The following RHBDD1 variants were observed in gnomAD, a reference collection of about 807,000 sequenced individuals.
RHBDD1 encodes the protein rhomboid-related protein 4.
A neutral mutation model predicts 36.3 loss-of-function variants in RHBDD1; 38 were observed. The observed-to-expected ratio is 1.05, with a 90% CI of 0.81 to 1.37. The LOEUF is 1.37. RHBDD1 is among the 40% of genes most tolerant of loss of function. RHBDD1 has a pLI of 0.00. For missense variants in RHBDD1, 393 were observed against 377.6 expected, an observed-to-expected ratio of 1.04 and a Z score of -0.34; for synonymous variants, 151 against 136.5, an observed-to-expected ratio of 1.11 and a Z score of -0.74.
chr2:226,815,312 T>G, the RHBDD1 span, among the ~76,000 whole-genome samples: 2 of 152,228 alleles, frequency 1.3e-5, no homozygotes, highest in Non-Finnish European at 2.9e-5. Context: ...AGTTAATTTC[T>G]GCAATAAGAA....
At chr2:226,990,411 T>C (rs551523166) in intron 8 of RHBDD1, among the ~76,000 whole-genome samples, 1 of 152,304 alleles carries the variant, frequency 6.6e-6, no homozygotes, top group African/African-American at 2.4e-5. Flanking sequence ...AAAAAAGTGA[T>C]TGCCTCTTTA....
Position 226,892,717 on chromosome 2 carries a change from G to A in RHBDD1, c.567-14076G>A, listed in dbSNP as rs554195384. 4.6e-5 allele frequency among the ~76,000 whole-genome samples: 7 copies of A among 152,160 alleles called. No homozygotes were observed. The East Asian group carries it at 1.3e-3, about 29-fold the overall frequency. ...TACTCTCGAAATGTTTTTCTTATTG[G>A]CCCAATATGGCAACTGAAATCTCAC... On this transcript the variant is annotated intron_variant, in intron 5 of 8. Transcript: ENST00000392062.
rs1959485037 is a variant in RHBDD1 at position 226,996,844 on chromosome 2, C to G, written c.*1322C>G. On this transcript the variant is annotated 3_prime_UTR_variant, in exon 9 of 9. Coordinates refer to ENST00000392062, the MANE Select transcript of RHBDD1 (RefSeq NM_001167608.3). ...ATTTAATAACATATAGTCAAGAAAA[C>G]AGACTTAAAAATAAATACTATGTGT... is the stretch of plus-strand genomic sequence containing the variant. The G allele has an allele frequency of 6.6e-6, 1 of 152,078 alleles. No homozygotes were observed. The highest frequency in any genetic ancestry group is 2.1e-4 in the South Asian group (1 of 4,822). The allele number at this position is 152,078 out of a possible 1,614,324, so 9.4% of individuals were successfully genotyped here. A position where few individuals can be genotyped will look rare whatever the true frequency, so the allele number is the denominator to read the frequency against.
chr2:226,864,715 A>T lies in RHBDD1; in HGVS notation c.22A>T (p.Ile8Leu), dbSNP rs764239115. Residue 8 changes from isoleucine (I) to leucine (L), a missense_variant, in exon 4 of 9, where the codon ATA becomes TTA. Transcript: ENST00000392062. The part of the protein sequence containing the change: MQRRSRG[I>L]NTGLILLLSQ... ...GGCCATGCAACGGAGATCAAGAGGG[A>T]TAAATACTGGACTTATTCTACTCCT... 1.4e-5 allele frequency: 23 copies of T among 1,613,920 alleles called. No individual in the cohort carries two copies. The highest frequency in any genetic ancestry group is 1.9e-5 in the Non-Finnish European group (22 of 1,179,948).
the RHBDD1 span, among the ~76,000 whole-genome samples, chr2:226,816,218 G>A: frequency 2.5e-4 from 38 of 152,044 alleles, no homozygotes; most frequent in African/African-American, 8.2e-4. Flanking sequence ...CAGTGGCATC[G>A]TGCTGACTTA....
At position 226,908,849 on chromosome 2, in the gene RHBDD1, C is replaced by T. The variant is rs181841165; in HGVS notation, c.683C>T (p.Pro228Leu). 6.2e-7 allele frequency: 1 copy of T among 1,607,822 alleles called. No individual in the cohort carries two copies. Among genetic ancestry groups the T allele is most frequent in the Admixed American group, 1.7e-5 (1 of 59,998 alleles). Residue 228 changes from proline (P) to leucine (L), a missense_variant, in exon 7 of 9, where the codon CCA (proline) becomes CTA (leucine). Physicochemically the swap from Pro to Leu is moderately conservative, Grantham distance 98. Coordinates refer to ENST00000392062, the MANE Select transcript of RHBDD1 (RefSeq NM_001167608.3). ...AGGFSSSVGY[P>L]GRQYYFNSSG... The stretch of plus-strand genomic sequence containing the variant: ...GGTTTTTCCTCCAGTGTTGGTTACC[C>T]AGGACGGCAATACTACTTTAATAGT...
chr2:226,838,600 ATGT>A (rs993915872), intron 2 of RHBDD1, among the ~76,000 whole-genome samples: 12 of 152,240 alleles, frequency 7.9e-5, no homozygotes, highest in East Asian at 1.9e-4. Context: ...GGCTCAGTAA[ATGT>A]TGTGTGTCGG....
chr2:226,956,611 G>A (rs368803404), intron 8 of RHBDD1, among the ~76,000 whole-genome samples: 5 of 152,282 alleles, frequency 3.3e-5, no homozygotes, highest in East Asian at 3.9e-4. Flanking sequence ...TTAGAATTCC[G>A]AGTGGAGAAA....
chr2:226,847,860 A>T lies in RHBDD1; in HGVS notation c.-91+8233A>T, dbSNP rs571355176. 2.8e-3 allele frequency among the ~76,000 whole-genome samples: 427 copies of T among 152,336 alleles called. 1 individual carries two copies. Among genetic ancestry groups the T allele is most frequent in the African/African-American group, 9.9e-3 (411 of 41,570 alleles). ...TTCGCCTCTCTGTGAATTCTCTCTC[A>T]GAGTAAACCTTGCTTTGCAGGGTAG... On this transcript the variant is annotated intron_variant, in intron 3 of 8. Transcript: ENST00000392062.
intron 5 of RHBDD1, among the ~76,000 whole-genome samples, chr2:226,868,086 T>C (rs1046492909): frequency 1.5e-4 from 23 of 152,352 alleles, no homozygotes; most frequent in African/African-American, 5.3e-4. Context: ...CAAAAGGCTT[T>C]ACTTAACACT....
intron 3 of RHBDD1, among the ~76,000 whole-genome samples, chr2:226,842,870 A>T (rs184589857): frequency 6.6e-6 from 1 of 152,210 alleles, no homozygotes; most frequent in Non-Finnish European, 1.5e-5. Context: ...TTTGGGCAGT[A>T]TGGCCGTTTT....
At chr2:226,893,640 A>G (rs1946860884) in intron 5 of RHBDD1, among the ~76,000 whole-genome samples, 1 of 152,234 alleles carries the variant, frequency 6.6e-6, no homozygotes, top group African/African-American at 2.4e-5. Context: ...GCAAACATTT[A>G]ATAAGCATAT....
chr2:226,960,738 A>C (rs1338241601), intron 8 of RHBDD1, among the ~76,000 whole-genome samples: 1 of 152,210 alleles, frequency 6.6e-6, no homozygotes, highest in Non-Finnish European at 1.5e-5. Context: ...TTCAGAAATA[A>C]GATGTTTGAG....
At chr2:226,860,010 A>T (rs985911846) in intron 3 of RHBDD1, among the ~76,000 whole-genome samples, 9 of 100,512 alleles carry the variant, frequency 9.0e-5, no homozygotes, top group East Asian at 5.5e-4. Context: ...GTAGATTGAT[A>T]AAAAAAAACT....
intron 5 of RHBDD1, among the ~76,000 whole-genome samples, chr2:226,904,057 T>C (rs1947823479): frequency 6.6e-6 from 1 of 152,036 alleles, no homozygotes; most frequent in East Asian, 1.9e-4. Flanking sequence ...AGCCCCACAT[T>C]CATCCTTCAA....
chr2:226,925,519 T>C (rs914490311), intron 8 of RHBDD1, among the ~76,000 whole-genome samples: 21 of 152,050 alleles, frequency 1.4e-4, no homozygotes, highest in African/African-American at 4.8e-4. Context: ...ATTTATAAAA[T>C]AAGCCAACTC....
At chr2:226,817,268 C>T in the RHBDD1 span, among the ~76,000 whole-genome samples, 1 of 152,104 alleles carries the variant, frequency 6.6e-6, no homozygotes, top group African/African-American at 2.4e-5. Flanking sequence ...TTTCTGAGAG[C>T]TAAAAGTTAG....
At chr2:226,828,066 A>G in the RHBDD1 span, among the ~76,000 whole-genome samples, 1 of 152,246 alleles carries the variant, frequency 6.6e-6, no homozygotes, top group Non-Finnish European at 1.5e-5. Flanking sequence ...ATCACTATCC[A>G]GTTTTAGCAC....
chr2:226,914,486 T>C, intron 8 of RHBDD1, 135 bp downstream of exon 8: 1 of 997,236 alleles, frequency 1.0e-6, no homozygotes, highest in Non-Finnish European at 1.4e-6. Context: ...TGTGTGCAGA[T>C]TGTGATTACA....
Sources: allele counts gnomAD v4.1 joint callset (sites outside exome capture counted in the v4.1 genomes callset), GRCh38; gene constraint gnomAD v4.1.1; transcripts MANE v1.5; gene names NCBI Gene and HGNC (gene_info 2026-07-23, HGNC 2026-07-21).